The following UBA2 variants were observed in gnomAD, a reference collection of about 807,000 sequenced individuals.
The protein encoded by UBA2 is ubiquitin like modifier activating enzyme 2.
Under a neutral mutation model 77.2 loss-of-function variants are expected in UBA2, and 11 were observed. The ratio of observed to expected loss-of-function variants is 0.14; its 90% confidence interval spans 0.09 to 0.24. The LOEUF (loss-of-function observed/expected upper bound fraction) is 0.24. UBA2 is among the 10% of genes least tolerant of loss of function. The pLI, the probability that UBA2 is intolerant of heterozygous loss-of-function variation, is 1.00. For missense variants in UBA2, 487 were observed against 781.7 expected (o/e 0.62, Z 4.50); for synonymous variants, 278 against 276.7 (o/e 1.00, Z -0.05).
rs2075729194 is a variant in UBA2, at chr19:34,471,067, G to C, written c.*1846G>C. On this transcript the variant is annotated 3_prime_UTR_variant, in exon 17 of 17. Coordinates refer to ENST00000246548, the MANE Select transcript of UBA2 (RefSeq NM_005499.3). ...GACCGCCAGTAGGTGGAGTAGCACTGTCTTCCTGGTCCCGGACCTCAGAGG... is the reference window on the plus strand; with the variant it reads ...GACCGCCAGTAGGTGGAGTAGCACTCTCTTCCTGGTCCCGGACCTCAGAGG... 1 of 152,208 alleles carries C rather than the reference G, an allele frequency of 6.6e-6. No homozygotes were observed. Among genetic ancestry groups the C allele is most frequent in the Non-Finnish European group, 1.5e-5 (1 of 68,076 alleles). 9.4% of individuals were successfully genotyped at this position (152,208 alleles called of 1,614,324 possible). A position where few individuals can be genotyped will look rare whatever the true frequency, so the allele number is the denominator to read the frequency against.
chr19:34,449,392 A>G (rs2075468200), intron 8 of UBA2, among the ~76,000 whole-genome samples: 1 of 151,240 alleles, frequency 6.6e-6, no homozygotes, highest in Non-Finnish European at 1.5e-5. Context: ...AGGCTTTGTG[A>G]TATTCACACT....
intron 7 of UBA2, among the ~76,000 whole-genome samples, chr19:34,444,344 C>T (rs542378822): frequency 3.9e-5 from 6 of 151,930 alleles, no homozygotes; most frequent in Admixed American, 1.3e-4. Flanking sequence ...CGTAAGCAAC[C>T]GTGCCTATCC....
At chr19:34,442,466 A>G (rs561579088) in intron 6 of UBA2, among the ~76,000 whole-genome samples, 1 of 152,262 alleles carries the variant, frequency 6.6e-6, no homozygotes, top group East Asian at 1.9e-4. Context: ...TTTTTTTGAG[A>G]TGGAGTTTCG....
rs1417882915 is a variant in UBA2 at position 34,434,983 on chromosome 19, T to C, written c.459+15T>C. On this transcript the variant is annotated intron_variant, in intron 5 of 16. Transcript: ENST00000246548. ...CTATCAAAAAGGTAAAGAAAAGTTTTATTTTTTTAACTTCCCAAATATTTA... is the reference window on the plus strand; with the variant it reads ...CTATCAAAAAGGTAAAGAAAAGTTTCATTTTTTTAACTTCCCAAATATTTA... The C allele has an allele frequency of 3.2e-6, 5 of 1,541,538 alleles. No homozygotes were observed. The highest frequency in any genetic ancestry group is 4.4e-6 in the Non-Finnish European group (5 of 1,128,958).
rs536243977 is a variant in UBA2, at chr19:34,428,504, G to T, written c.72G>T (p.Gly24=). ...CCGGGGGCCGGGTGCTGGTGGTGGGGGCGGGCGGCATCGGCTGCGAGCTCC... is the reference window on the plus strand; with the variant it reads ...CCGGGGGCCGGGTGCTGGTGGTGGGTGCGGGCGGCATCGGCTGCGAGCTCC... ...AVAGGRVLVV[G]AGGIGCELLK... The change falls in exon 1 of 17, where the codon GGG becomes GGT. Residue 24 remains glycine, a synonymous_variant. Transcript: ENST00000246548. The T allele has an allele frequency of 6.1e-5, 80 of 1,302,538 alleles. No homozygotes were observed. The highest frequency in any genetic ancestry group is 8.5e-5 in the East Asian group (3 of 35,350). The allele number at this position is 1,302,538 out of a possible 1,614,324, so 80.7% of individuals were successfully genotyped here.
At chr19:34,446,713 A>G (rs934474975) in intron 8 of UBA2, among the ~76,000 whole-genome samples, 2 of 149,950 alleles carry the variant, frequency 1.3e-5, no homozygotes, top group African/African-American at 2.5e-5. Flanking sequence ...GGTTCAGGCT[A>G]TTCTCCTGCC....
chr19:34,438,808 A>G (rs1043422156), intron 6 of UBA2, 42 bp downstream of exon 6: 9 of 1,605,844 alleles, frequency 5.6e-6, no homozygotes, highest in Non-Finnish European at 6.8e-6. Flanking sequence ...GGTACTGATG[A>G]TGGAAAATGG....
intron 1 of UBA2, chr19:34,428,874 T>G: frequency 9.5e-7 from 1 of 1,057,466 alleles, no homozygotes; most frequent in Non-Finnish European, 1.1e-6. Flanking sequence ...TATCCTCCCT[T>G]CAAAACAAAT....
intron 5 of UBA2, among the ~76,000 whole-genome samples, chr19:34,435,756 G>A (rs1410790755): frequency 1.8e-4 from 28 of 151,832 alleles, no homozygotes; most frequent in Admixed American, 1.8e-3. Flanking sequence ...CTTGAACCTC[G>A]GAGGTGGAGG....
rs547678961 is a variant in UBA2 at position 34,429,766 on chromosome 19, G to T, written c.139-810G>T. ...CAGGAGGATCGCTTGAGCCTGGGAGGTCGAGGCTGCAGTGAGCTGTGTTTG... is the reference window on the plus strand; with the variant it reads ...CAGGAGGATCGCTTGAGCCTGGGAGTTCGAGGCTGCAGTGAGCTGTGTTTG... On this transcript the variant is annotated intron_variant, in intron 1 of 16. Transcript: ENST00000246548. Among the ~76,000 whole-genome samples, 123 of 152,172 alleles carry T rather than the reference G, an allele frequency of 8.1e-4. 1 individual carries two copies. In the South Asian group the frequency reaches 0.012, roughly 15 times the overall value.
At chr19:34,429,082 G>C in intron 1 of UBA2, 1 of 984,802 alleles carries the variant, frequency 1.0e-6, no homozygotes, top group Non-Finnish European at 1.2e-6. Flanking sequence ...CCCGAGGAGT[G>C]CAAACGCTAT....
intron 2 of UBA2, 137 bp downstream of exon 2, chr19:34,430,796 A>T (rs535109290): frequency 5.9e-5 from 38 of 643,006 alleles, no homozygotes; most frequent in African/African-American, 5.1e-4. Context: ...AAGGATAAAG[A>T]TATATCAAGT....
chr19:34,447,781 T>A (rs2075448011), intron 8 of UBA2, among the ~76,000 whole-genome samples: 1 of 152,224 alleles, frequency 6.6e-6, no homozygotes, highest in Non-Finnish European at 1.5e-5. Flanking sequence ...TCTAAAGGAC[T>A]CATCTCCTGG....
intron 12 of UBA2, among the ~76,000 whole-genome samples, chr19:34,457,601 A>G (rs939231561): frequency 6.6e-6 from 1 of 152,088 alleles, no homozygotes; most frequent in Non-Finnish European, 1.5e-5. Context: ...ACCAGTATTC[A>G]TTGTACGGAG....
intron 4 of UBA2, among the ~76,000 whole-genome samples, chr19:34,433,680 C>A (rs2075279123): frequency 6.6e-6 from 1 of 152,168 alleles, no homozygotes; most frequent in Admixed American, 6.5e-5. Context: ...GTGACTGTGG[C>A]TCAGCACAGT....
intron 8 of UBA2, among the ~76,000 whole-genome samples, chr19:34,449,713 T>C (rs2075471917): frequency 6.6e-6 from 1 of 152,212 alleles, no homozygotes. Flanking sequence ...GGTTTTTACA[T>C]TTTATTTTTG....
In UBA2 at chr19:34,469,023, C is replaced by T; in HGVS notation, c.1742-17C>T. 2 of 1,580,982 alleles carry T rather than the reference C, an allele frequency of 1.3e-6. No homozygotes were observed. The highest frequency in any genetic ancestry group is 1.7e-6 in the Non-Finnish European group (2 of 1,167,290). On this transcript the variant is annotated splice_polypyrimidine_tract_variant and intron_variant, in intron 16 of 16. Transcript: ENST00000246548. Reference sequence around the variant, plus strand: ...ACGCTTTTACCCATTTTCTTTTTCCCTTTTTTCTGAAATAAGCTCAAGAGC... The same window carrying T: ...ACGCTTTTACCCATTTTCTTTTTCCTTTTTTTCTGAAATAAGCTCAAGAGC...
intron 8 of UBA2, among the ~76,000 whole-genome samples, chr19:34,447,444 C>A (rs6510418): frequency 0.86 from 130,367 of 152,284 alleles, 56,392 homozygotes; most frequent in Non-Finnish European, 0.92. Context: ...CTTAAGATGC[C>A]GTAAACTTCG....
At position 34,444,053 on chromosome 19, in the gene UBA2, T is replaced by G. The variant is rs944052388; in HGVS notation, c.649+142T>G. The G allele has an allele frequency of 2.1e-3, 897 of 431,210 alleles. 2 individuals are homozygous for G. Among genetic ancestry groups the G allele is most frequent in the East Asian group, 0.015 (405 of 26,312 alleles). The allele number at this position is 431,210 out of a possible 1,614,324, so 26.7% of individuals were successfully genotyped here. A position where few individuals can be genotyped will look rare whatever the true frequency, so the allele number is the denominator to read the frequency against. On this transcript the variant is annotated intron_variant, in intron 7 of 16. Coordinates refer to ENST00000246548, the MANE Select transcript of UBA2 (RefSeq NM_005499.3). ...CATGTGTTTTTTTTTTGTTTTTTTT[T>G]TTTTTTTTTTTTTTTGTCTCAGAGG...
Sources: allele counts gnomAD v4.1 joint callset (sites outside exome capture counted in the v4.1 genomes callset), GRCh38; gene constraint gnomAD v4.1.1; transcripts MANE v1.5; gene names NCBI Gene and HGNC (gene_info 2026-07-23, HGNC 2026-07-21).